Variants in CWC22 observed in about 807,000 individuals in gnomAD.
CWC22 encodes pre-mRNA-splicing factor CWC22 homolog.
Under a neutral mutation model 117.2 loss-of-function variants are expected in CWC22, and 53 were observed. That is an observed-to-expected ratio of 0.45 (90% CI 0.36 to 0.57). The LOEUF (loss-of-function observed/expected upper bound fraction) is 0.57. Ranked by LOEUF, CWC22 falls within the 20% of genes least tolerant of loss-of-function variation. The pLI, the probability that CWC22 is intolerant of heterozygous loss-of-function variation, is 0.00. For synonymous variants in CWC22, 360 were observed against 355.6 expected (o/e 1.01, Z -0.14); for missense variants, 980 against 1,068.8 (o/e 0.92, Z 1.16).
chr2:179,993,260 G>A, intron 2 of CWC22, 55 bp downstream of exon 2: 1 of 1,223,576 alleles, frequency 8.2e-7, no homozygotes, highest in Non-Finnish European at 1.2e-6. Flanking sequence ...TATATTTAAA[G>A]AATAGGTAAT....
chr2:179,972,889 GTCCC>G (rs1454965776), intron 8 of CWC22, among the ~76,000 whole-genome samples: 3 of 151,880 alleles, frequency 2.0e-5, no homozygotes, highest in Non-Finnish European at 1.5e-5. Flanking sequence ...GGTGCCCGTA[GTCCC>G]AGCTACTCGG....
At chr2:179,972,798 G>A (rs1687063704) in intron 8 of CWC22, among the ~76,000 whole-genome samples, 1 of 151,990 alleles carries the variant, frequency 6.6e-6, no homozygotes, top group African/African-American at 2.4e-5. Flanking sequence ...ACGAGTTCAG[G>A]AGATCGAGAC....
Position 179,992,281 on chromosome 2 carries a change from C to T in CWC22, c.27+1034G>A, listed in dbSNP as rs1687587240. 2.0e-5 allele frequency among the ~76,000 whole-genome samples: 3 copies of T among 152,188 alleles called. No homozygotes were observed. The South Asian group carries it at 6.2e-4, about 31-fold the overall frequency. ...CTCTCCTGCCAAGTCCACTCACAGG[C>T]AGAACAGTTTCGAAAGCAGATGGAA... On this transcript the variant is annotated intron_variant, in intron 2 of 19. Coordinates refer to ENST00000410053, the MANE Select transcript of CWC22 (RefSeq NM_020943.3).
chr2:179,959,621 C>A (rs1300737717), intron 13 of CWC22, among the ~76,000 whole-genome samples: 1 of 152,074 alleles, frequency 6.6e-6, no homozygotes, highest in African/African-American at 2.4e-5. Context: ...ATCTAATATA[C>A]CTAGGCTACA....
chr2:179,946,477 A>AGG (rs1559282531), intron 19 of CWC22, among the ~76,000 whole-genome samples: 1 of 48,684 alleles, frequency 2.1e-5, no homozygotes, highest in Non-Finnish European at 4.1e-5. Flanking sequence ...GGGGGGGGGA[A>AGG]GGGGAGGGGA....
intron 12 of CWC22, among the ~76,000 whole-genome samples, chr2:179,965,346 T>C (rs1437461140): frequency 1.3e-5 from 2 of 152,244 alleles, no homozygotes; most frequent in Non-Finnish European, 2.9e-5. Flanking sequence ...ATTTATTAAC[T>C]GTGCCTTAAC....
intron 11 of CWC22, among the ~76,000 whole-genome samples, chr2:179,966,189 C>T (rs1349953306): frequency 1.3e-5 from 2 of 152,170 alleles, no homozygotes; most frequent in African/African-American, 4.8e-5. Flanking sequence ...GTATGTATCA[C>T]TCTTCTGCCA....
chr2:179,980,932 A>C (rs1687270934), intron 5 of CWC22, among the ~76,000 whole-genome samples: 1 of 152,162 alleles, frequency 6.6e-6, no homozygotes, highest in Non-Finnish European at 1.5e-5. Flanking sequence ...ATTAGAGAAA[A>C]ATATCTTAAA....
chr2:180,003,019 C>T lies in CWC22; in HGVS notation c.-114+3848G>A, dbSNP rs561851467. ...TCCAAGTCTAAAATTAAATAAAAAA[C>T]GGGGAGTGTAGATTTCTGCTGATTA... is the stretch of plus-strand genomic sequence containing the variant. On this transcript the variant is annotated intron_variant, in intron 1 of 19. Coordinates refer to ENST00000410053, the MANE Select transcript of CWC22 (RefSeq NM_020943.3). 2.2e-4 allele frequency among the ~76,000 whole-genome samples: 33 copies of T among 152,260 alleles called. 1 individual carries two copies. The South Asian group carries it at 6.0e-3, about 28-fold the overall frequency.
At chr2:179,983,597 A>G (rs1468576445) in intron 4 of CWC22, among the ~76,000 whole-genome samples, 1 of 152,078 alleles carries the variant, frequency 6.6e-6, no homozygotes, top group East Asian at 1.9e-4. Flanking sequence ...TCTTTATAAT[A>G]TAATTATTTA....
chr2:179,986,865 G>T, intron 3 of CWC22, 60 bp from the exon 4 acceptor site: 1 of 931,934 alleles, frequency 1.1e-6, no homozygotes, highest in Non-Finnish European at 1.6e-6. Context: ...TAAATATTTA[G>T]GAAAGTCATA....
At chr2:180,006,244 C>T (rs931441003) in intron 1 of CWC22, among the ~76,000 whole-genome samples, 5 of 152,282 alleles carry the variant, frequency 3.3e-5, no homozygotes, top group Admixed American at 3.3e-4. Flanking sequence ...CCAAATCCTG[C>T]CTTCTCCACT....
chr2:179,997,333 A>G (rs553188327), intron 1 of CWC22, among the ~76,000 whole-genome samples: 1 of 152,180 alleles, frequency 6.6e-6, no homozygotes, highest in African/African-American at 2.4e-5. Context: ...AAAAAAAAAA[A>G]GTACAAAATG....
At chr2:180,001,443 A>G (rs1196452026) in intron 1 of CWC22, among the ~76,000 whole-genome samples, 4 of 151,822 alleles carry the variant, frequency 2.6e-5, no homozygotes, top group African/African-American at 9.7e-5. Flanking sequence ...CTCATGCCTC[A>G]GCCTCCTCCT....
In CWC22 at chr2:179,950,911, G is replaced by T; in HGVS notation, c.1833C>A (p.Phe611Leu). Residue 611 changes from phenylalanine to leucine, a missense_variant, in exon 18 of 20, where the codon TTC (phenylalanine) becomes TTA (leucine). Phe to Leu is a conservative substitution (Grantham distance 22). This residue lies in a region of CWC22 where 115 missense variants were observed against 169.8 expected (regional missense o/e 0.68). Coordinates refer to ENST00000410053, the MANE Select transcript of CWC22 (RefSeq NM_020943.3). ...ARLKDETLQPFFEGLLPRDNP... is the reference protein window; with the variant it reads ...ARLKDETLQPLFEGLLPRDNP... Reference sequence around the variant, plus strand: ...TATCTCGGGGTAATAATCCTTCAAAGAATGGCTGCAGAGTTCTAAAAAGGA... The same window carrying T: ...TATCTCGGGGTAATAATCCTTCAAATAATGGCTGCAGAGTTCTAAAAAGGA... 1.3e-6 allele frequency: 2 copies of T among 1,569,844 alleles called. No individual in the cohort carries two copies. The highest frequency in any genetic ancestry group is 2.3e-5 in the South Asian group (2 of 85,956).
intron 4 of CWC22, among the ~76,000 whole-genome samples, chr2:179,986,120 G>A (rs569882016): frequency 6.6e-6 from 1 of 152,034 alleles, no homozygotes; most frequent in East Asian, 1.9e-4. Flanking sequence ...CTTCCATTCA[G>A]TTCCCTTGCC....
In CWC22 at chr2:179,958,900, C is replaced by A. The variant is rs543225343; in HGVS notation, c.1458+122G>T. ...TTAACTTAAAATGATATAAAACCTA[C>A]ATTAAAAAATAAATATTTAGTACTG... is the stretch of plus-strand genomic sequence containing the variant. On this transcript the variant is annotated intron_variant, in intron 14 of 19. Coordinates refer to ENST00000410053, the MANE Select transcript of CWC22 (RefSeq NM_020943.3). 7.1e-6 allele frequency: 4 copies of A among 562,348 alleles called. No homozygotes were observed. In the East Asian group the frequency reaches 8.6e-5, roughly 12 times the overall value. The allele number at this position is 562,348 out of a possible 1,614,324, so 34.8% of individuals were successfully genotyped here.
intron 13 of CWC22, 82 bp downstream of exon 13, chr2:179,964,465 A>T (rs1686837036): frequency 2.9e-6 from 2 of 686,426 alleles, no homozygotes; most frequent in Non-Finnish European, 4.9e-6. Flanking sequence ...TTCTGTTATG[A>T]GACCCTAAAA....
chr2:179,999,978 C>G (rs945247355), intron 1 of CWC22, among the ~76,000 whole-genome samples: 1 of 152,100 alleles, frequency 6.6e-6, no homozygotes, highest in Non-Finnish European at 1.5e-5. Context: ...AACAGCCAAG[C>G]CCCCAAGGAA....
Sources: gnomAD v4.1 joint callset for allele counts (sites outside exome capture counted in the v4.1 genomes callset) on GRCh38, gnomAD v4.1.1 for gene constraint, gnomAD v4.1.1 regional missense constraint, MANE v1.5 for transcripts, NCBI Gene and HGNC (gene_info 2026-07-23, HGNC 2026-07-21) for gene names.